The following CAPN14 variants were observed in gnomAD, a reference collection of about 807,000 sequenced individuals.
CAPN14 encodes calpain-14.
Under a neutral mutation model 101.3 loss-of-function variants are expected in CAPN14, and 94 were observed. That is an observed-to-expected ratio of 0.93 (90% CI 0.79 to 1.10). CAPN14 has a LOEUF of 1.10. Among genes scored for constraint, CAPN14 ranks in the 50% least tolerant of loss-of-function variants. The pLI is 0.00. For synonymous variants in CAPN14, 338 were observed against 317.9 expected, an observed-to-expected ratio of 1.06 and a Z score of -0.67; for missense variants, 837 against 828.4, an observed-to-expected ratio of 1.01 and a Z score of -0.13.
At chr2:31,219,822 C>G (rs1195725567), upstream of CAPN14, among the ~76,000 whole-genome samples, 1 of 152,212 alleles carries the variant, frequency 6.6e-6, no homozygotes, top group African/African-American at 2.4e-5. Flanking sequence ...CATCTCTCTA[C>G]TTTCTGTTAC....
At chr2:31,192,860 G>A (rs548474678) in intron 10 of CAPN14, among the ~76,000 whole-genome samples, 1 of 152,224 alleles carries the variant, frequency 6.6e-6, no homozygotes, top group East Asian at 1.9e-4. Context: ...GTGACCCCCG[G>A]TGCTGACTGC....
chr2:31,188,428 G>A (rs1057033327), intron 13 of CAPN14, 74 bp from the exon 14 acceptor site: 8 of 1,369,710 alleles, frequency 5.8e-6, no homozygotes, highest in Admixed American at 2.0e-5. Flanking sequence ...CCCTTCTCCT[G>A]GGAGCTCGTC....
At chr2:31,231,128 C>T (rs1683179407) in intron 1 of CAPN14, among the ~76,000 whole-genome samples, 1 of 151,438 alleles carries the variant, frequency 6.6e-6, no homozygotes, top group East Asian at 1.9e-4. Flanking sequence ...TGCCCTCCTT[C>T]CCCTTCCACC....
chr2:31,174,671 C>A lies in CAPN14; in HGVS notation c.*10G>T, dbSNP rs1471708892. On this transcript the variant is annotated 3_prime_UTR_variant, in exon 22 of 22. Coordinates refer to ENST00000403897, the MANE Select transcript of CAPN14 (RefSeq NM_001145122.2). ...GAGTCTTCAGTGAGGGCAGGTGAGA[C>A]TCAGCCTTCTCAGGAGTACAGTGCC... 1.9e-6 allele frequency: 3 copies of A among 1,551,568 alleles called. No homozygotes were observed. The East Asian group carries it at 7.3e-5, about 38-fold the overall frequency.
intron 12 of CAPN14, 38 bp from the exon 13 acceptor site, chr2:31,189,516 T>C (rs1351367965): frequency 1.3e-6 from 2 of 1,514,088 alleles, no homozygotes; most frequent in East Asian, 2.5e-5. Flanking sequence ...AGGGAGGTGA[T>C]GACCCAGGGC....
chr2:31,185,761 A>G (rs1263600581), intron 16 of CAPN14, among the ~76,000 whole-genome samples: 1 of 152,218 alleles, frequency 6.6e-6, no homozygotes, highest in East Asian at 1.9e-4. Context: ...GCTTCATAGA[A>G]AGAAGAAGCA....
At chr2:31,210,751 T>C (rs1682354940) in intron 1 of CAPN14, among the ~76,000 whole-genome samples, 1 of 152,164 alleles carries the variant, frequency 6.6e-6, no homozygotes, top group South Asian at 2.1e-4. Context: ...TGAAAGTGAA[T>C]ATATTATACA....
chr2:31,205,705 G>A (rs1333262311), intron 1 of CAPN14, among the ~76,000 whole-genome samples: 2 of 152,132 alleles, frequency 1.3e-5, no homozygotes, highest in Non-Finnish European at 2.9e-5. Context: ...GGAGATCAGG[G>A]ATCTTGTGGC....
intron 13 of CAPN14, 45 bp downstream of exon 13, chr2:31,189,228 C>G (rs575162834): frequency 1.6e-5 from 25 of 1,525,126 alleles, no homozygotes; most frequent in African/African-American, 2.8e-5. Flanking sequence ...TGCCTGTCCT[C>G]GTCCAAGTGG....
intron 2 of CAPN14, among the ~76,000 whole-genome samples, chr2:31,226,328 T>C (rs886449605): frequency 6.6e-6 from 1 of 152,242 alleles, no homozygotes; most frequent in Non-Finnish European, 1.5e-5. Context: ...TTATCTGTTA[T>C]AACATATAAG....
chr2:31,215,688 G>T (rs1479502508), intron 1 of CAPN14, among the ~76,000 whole-genome samples: 3 of 151,830 alleles, frequency 2.0e-5, no homozygotes, highest in Non-Finnish European at 2.9e-5. Context: ...AGAGAATGCT[G>T]GTTAACAGCC....
intron 1 of CAPN14, among the ~76,000 whole-genome samples, chr2:31,227,475 T>A (rs1019614043): frequency 6.6e-6 from 1 of 152,186 alleles, no homozygotes; most frequent in Non-Finnish European, 1.5e-5. Context: ...TATTCTAGAC[T>A]TCCCTTTCCT....
intron 14 of CAPN14, among the ~76,000 whole-genome samples, 180 bp downstream of exon 14, chr2:31,188,138 T>C (rs1297548058): frequency 6.6e-6 from 1 of 152,202 alleles, no homozygotes; most frequent in Non-Finnish European, 1.5e-5. Context: ...CTACTCTTTG[T>C]TGGTGCAAAA....
intron 10 of CAPN14, among the ~76,000 whole-genome samples, chr2:31,192,557 C>T (rs186593822): frequency 3.3e-5 from 5 of 152,278 alleles, no homozygotes; most frequent in African/African-American, 1.2e-4. Context: ...AGGTCACACC[C>T]CACAGGCCTT....
chr2:31,226,309 G>A (rs1683019435), intron 2 of CAPN14, among the ~76,000 whole-genome samples: 1 of 152,144 alleles, frequency 6.6e-6, no homozygotes, highest in Non-Finnish European at 1.5e-5. Context: ...CATTTTTGTA[G>A]TCATAGACTT....
rs139341031 is a variant in CAPN14 at position 31,229,635 on chromosome 2, C to T, written c.-176-2984G>A. On this transcript the variant is annotated intron_variant and NMD_transcript_variant, in intron 1 of 21. Coordinates refer to the CAPN14 transcript ENST00000398824. ...TAGAGGTTGCAGTAGGCCAAGATGG[C>T]GCCACTGCACTCCAGCCTGGGTGAC... 2.8e-3 allele frequency among the ~76,000 whole-genome samples: 395 copies of T among 141,200 alleles called. 2 individuals are homozygous for T. The highest frequency in any genetic ancestry group is 9.3e-3 in the African/African-American group (347 of 37,396). The allele number at this position is 141,200 out of a possible 152,430, so 92.6% of individuals were successfully genotyped here.
In CAPN14 at chr2:31,173,266, T is replaced by A. The variant is rs942755473; in HGVS notation, c.*1415A>T. On this transcript the variant is annotated 3_prime_UTR_variant, in exon 22 of 22. Transcript: ENST00000403897. ...ATCATTTGGAATAAATGAAGGGTTT[T>A]TTTTCCTAAATAAAATACTTTCCTA... 1.6e-4 allele frequency: 25 copies of A among 152,368 alleles called. No homozygotes were observed. Among genetic ancestry groups the A allele is most frequent in the African/African-American group, 5.5e-4 (23 of 41,580 alleles). 9.4% of individuals were successfully genotyped at this position (152,368 alleles called of 1,614,324 possible).
At chr2:31,185,495 T>C (rs935927730) in intron 16 of CAPN14, among the ~76,000 whole-genome samples, 2 of 152,236 alleles carry the variant, frequency 1.3e-5, no homozygotes, top group Non-Finnish European at 1.5e-5. Flanking sequence ...GAAAACCATT[T>C]TGTATATATG....
In CAPN14 at chr2:31,191,930, C is replaced by T. The variant is rs1681206453; in HGVS notation, c.1278+5G>A. 6.5e-7 allele frequency: 1 copy of T among 1,544,868 alleles called. No individual in the cohort carries two copies. Among genetic ancestry groups the T allele is most frequent in the Admixed American group, 2.0e-5 (1 of 50,378 alleles). ...CATGCCCCTGTGGTTCAGAGGTCCA[C>T]CTACCCTATACAGGTAGAAGCCAAT... is the stretch of plus-strand genomic sequence containing the variant. On this transcript the variant is annotated splice_donor_5th_base_variant and intron_variant, in intron 11 of 21. Coordinates refer to ENST00000403897, the MANE Select transcript of CAPN14 (RefSeq NM_001145122.2).
Sources: allele counts gnomAD v4.1 joint callset (sites outside exome capture counted in the v4.1 genomes callset), GRCh38; gene constraint gnomAD v4.1.1; transcripts MANE v1.5; gene names NCBI Gene and HGNC (gene_info 2026-07-23, HGNC 2026-07-21).